NEGR1: variants seen among roughly 807,000 people sequenced by gnomAD.
NEGR1 encodes the protein IgLON family member 4.
Under a neutral mutation model 40.9 loss-of-function variants are expected in NEGR1, and 10 were observed. The ratio of observed to expected loss-of-function variants is 0.24; its 90% CI spans 0.15 to 0.42. NEGR1 has a LOEUF of 0.42. NEGR1 is among the 10% of genes least tolerant of loss of function. The probability of loss-of-function intolerance (pLI) is 1.00; values close to 1 mark genes in which losing one functional copy is unlikely to be tolerated. For synonymous variants in NEGR1, 185 were observed against 166.8 expected (o/e 1.11, Z -0.84); for missense variants, 352 against 438.9 (o/e 0.80, Z 1.77).
At chr1:71,509,323 G>A (rs1400003421) in intron 6 of NEGR1, among the ~76,000 whole-genome samples, 1 of 152,154 alleles carries the variant, frequency 6.6e-6, no homozygotes, top group East Asian at 1.9e-4. Context: ...CATTGCAGAG[G>A]TCAGATCCCA....
rs180809545 is a variant in NEGR1 at position 71,535,338 on chromosome 1, C to T, written c.940+57479G>A. ...GACGGGTGGCATACAACTACAACTTCATCTCAATAAAAGGATAGTAGAAAC... is the reference window on the plus strand; with the variant it reads ...GACGGGTGGCATACAACTACAACTTTATCTCAATAAAAGGATAGTAGAAAC... On this transcript the variant is annotated intron_variant, in intron 6 of 6. Coordinates refer to ENST00000357731, the MANE Select transcript of NEGR1 (RefSeq NM_173808.3). Among the ~76,000 whole-genome samples the T allele has an allele frequency of 1.3e-4, 20 of 151,802 alleles. No homozygotes were observed. The East Asian group carries it at 3.9e-3, about 30-fold the overall frequency.
At chr1:71,903,726 T>C (rs547979714) in intron 2 of NEGR1, among the ~76,000 whole-genome samples, 1 of 151,888 alleles carries the variant, frequency 6.6e-6, no homozygotes, top group South Asian at 2.1e-4. Context: ...TATATGTATA[T>C]ATGTACACAC....
intron 4 of NEGR1, among the ~76,000 whole-genome samples, chr1:71,625,045 C>T (rs7529884): frequency 0.38 from 57,568 of 151,742 alleles, 11,528 homozygotes; most frequent in East Asian, 0.64. Flanking sequence ...ATAAAGTAAT[C>T]ATCAAACTAT....
At chr1:72,165,283 C>T (rs1015751097) in intron 1 of NEGR1, among the ~76,000 whole-genome samples, 1 of 151,952 alleles carries the variant, frequency 6.6e-6, no homozygotes, top group African/African-American at 2.4e-5. Context: ...TTTTGATATA[C>T]AGAAGATACA....
intron 4 of NEGR1, among the ~76,000 whole-genome samples, chr1:71,625,002 A>C (rs1400264083): frequency 6.6e-6 from 1 of 152,048 alleles, no homozygotes; most frequent in Non-Finnish European, 1.5e-5. Context: ...CTAGGCACTC[A>C]ATAAAAAATA....
At chr1:72,042,380 G>A (rs1415945976) in intron 1 of NEGR1, among the ~76,000 whole-genome samples, 1 of 151,820 alleles carries the variant, frequency 6.6e-6, no homozygotes, top group Non-Finnish European at 1.5e-5. Context: ...TATAGGATGA[G>A]GGAAAGTCAG....
intron 1 of NEGR1, among the ~76,000 whole-genome samples, chr1:71,999,933 G>GAGCCATGCATATCCATATTAC (rs1320725339): frequency 1.3e-5 from 2 of 151,124 alleles, no homozygotes; most frequent in East Asian, 3.9e-4. Context: ...ATCCATATTT[G>GAGCCATGCATATCCATATTAC]AGCCATGCAT....
At chr1:71,712,403 A>G (rs693808) in intron 3 of NEGR1, among the ~76,000 whole-genome samples, 2,632 of 152,208 alleles carry the variant, frequency 0.017, 66 homozygotes, top group African/African-American at 0.06. Flanking sequence ...CAGGTTCTAT[A>G]AAGGTGATGT....
At chr1:72,050,844 A>G (rs1168045452) in intron 1 of NEGR1, among the ~76,000 whole-genome samples, 1 of 151,554 alleles carries the variant, frequency 6.6e-6, no homozygotes, top group East Asian at 1.9e-4. Flanking sequence ...TAATGTCATG[A>G]GGATACACTA....
intron 6 of NEGR1, among the ~76,000 whole-genome samples, chr1:71,449,225 A>T (rs777814404): frequency 6.6e-6 from 1 of 152,226 alleles, no homozygotes; most frequent in Non-Finnish European, 1.5e-5. Flanking sequence ...AATCATTCAT[A>T]TGAAAATTTT....
At chr1:71,552,370 C>T (rs1283597658) in intron 6 of NEGR1, among the ~76,000 whole-genome samples, 1 of 149,998 alleles carries the variant, frequency 6.7e-6, no homozygotes, top group Non-Finnish European at 1.5e-5. Flanking sequence ...CATCCACACT[C>T]TCATTCAGGC....
chr1:71,935,941 A>G (rs1332586905), intron 1 of NEGR1, among the ~76,000 whole-genome samples: 3 of 151,920 alleles, frequency 2.0e-5, no homozygotes, highest in African/African-American at 7.3e-5. Context: ...TGGGATTACA[A>G]GCGCCTGCCA....
At chr1:72,201,309 A>ATATTT (rs1044723018) in intron 1 of NEGR1, among the ~76,000 whole-genome samples, 3 of 150,776 alleles carry the variant, frequency 2.0e-5, no homozygotes, top group Admixed American at 6.6e-5. Flanking sequence ...TAATTTTTTT[A>ATATTT]TATTTTATTT....
chr1:71,991,275 T>C lies in NEGR1; in HGVS notation c.177-55964A>G, dbSNP rs539529485. Among the ~76,000 whole-genome samples the C allele has an allele frequency of 1.2e-4, 18 of 152,268 alleles. No individual in the cohort carries two copies. In the South Asian group the frequency reaches 3.5e-3, roughly 30 times the overall value. ...GTTGCATATTCCTCCTCTATAATCT[T>C]CTTAATACTATGTAATAGATGTCAT... On this transcript the variant is annotated intron_variant, in intron 1 of 6. Transcript: ENST00000357731.
chr1:72,018,229 T>A (rs988508150), intron 1 of NEGR1, among the ~76,000 whole-genome samples: 4 of 152,166 alleles, frequency 2.6e-5, no homozygotes, highest in Non-Finnish European at 5.9e-5. Flanking sequence ...GAAAGACTAC[T>A]ATGAGCCAGA....
chr1:71,992,366 T>A (rs895515578), intron 1 of NEGR1, among the ~76,000 whole-genome samples: 1 of 152,114 alleles, frequency 6.6e-6, no homozygotes, highest in African/African-American at 2.4e-5. Context: ...TTTGAAGGAC[T>A]CAGTACTGTA....
At chr1:72,267,642 TA>T (rs1655692916) in intron 1 of NEGR1, among the ~76,000 whole-genome samples, 1 of 151,266 alleles carries the variant, frequency 6.6e-6, no homozygotes, top group Non-Finnish European at 1.5e-5. Context: ...AAATAATTGA[TA>T]AAATAAAATC....
At chr1:72,256,900 C>T (rs947753696) in intron 1 of NEGR1, among the ~76,000 whole-genome samples, 4 of 152,068 alleles carry the variant, frequency 2.6e-5, no homozygotes, top group South Asian at 4.1e-4. Context: ...TTGGAATGTG[C>T]ATATAAAATC....
chr1:71,940,442 T>C (rs973502831), intron 1 of NEGR1, among the ~76,000 whole-genome samples: 9 of 152,194 alleles, frequency 5.9e-5, no homozygotes, highest in African/African-American at 1.9e-4. Flanking sequence ...TTTCAGTCAG[T>C]CATCTGGATA....
Sources: allele counts gnomAD v4.1 joint callset (sites outside exome capture counted in the v4.1 genomes callset), GRCh38; gene constraint gnomAD v4.1.1; transcripts MANE v1.5; gene names NCBI Gene and HGNC (gene_info 2026-07-23, HGNC 2026-07-21).